NCKAP1: variants seen among roughly 807,000 people sequenced by gnomAD.
NCKAP1 encodes the protein NCK associated protein 1, also known as nck-associated protein 1.
A neutral mutation model predicts 151.2 loss-of-function variants in NCKAP1; 21 were observed. That is an observed-to-expected ratio of 0.14 (90% CI 0.10 to 0.20). NCKAP1 has a LOEUF of 0.20. NCKAP1 is among the 10% of genes least tolerant of loss of function. NCKAP1 has a pLI of 1.00. For missense variants in NCKAP1, 933 were observed against 1,352.1 expected (o/e 0.69, Z 4.86); for synonymous variants, 484 against 451.8 (o/e 1.07, Z -0.90).
At chr2:183,028,933 G>C (rs916872638) in intron 1 of NCKAP1, among the ~76,000 whole-genome samples, 5 of 138,010 alleles carry the variant, frequency 3.6e-5, no homozygotes, top group Non-Finnish European at 7.7e-5. Context: ...CCAACACGGT[G>C]AAACCCCGTT....
intron 23 of NCKAP1, among the ~76,000 whole-genome samples, chr2:182,946,739 C>A (rs73980530): frequency 3.5e-4 from 47 of 132,434 alleles, no homozygotes; most frequent in East Asian, 8.6e-4. Context: ...ATAAACCTAC[C>A]AAAAAAAAAA....
intron 6 of NCKAP1, among the ~76,000 whole-genome samples, 181 bp downstream of exon 6, chr2:183,001,772 A>G (rs1698378980): frequency 6.6e-6 from 1 of 152,168 alleles, no homozygotes; most frequent in African/African-American, 2.4e-5. Flanking sequence ...TTGAGTCTCT[A>G]TACACTATTC....
At chr2:182,951,743 T>C (rs1428555846) in intron 23 of NCKAP1, among the ~76,000 whole-genome samples, 1 of 152,072 alleles carries the variant, frequency 6.6e-6, no homozygotes, top group Non-Finnish European at 1.5e-5. Context: ...GATTTCTCTA[T>C]TCTGCTTGTA....
chr2:182,941,131 CAT>C (rs1559074371), intron 24 of NCKAP1, among the ~76,000 whole-genome samples: 24 of 141,614 alleles, frequency 1.7e-4, no homozygotes, highest in East Asian at 2.1e-4. Context: ...TTTGGGATTT[CAT>C]TTTTTTTTTT....
intron 14 of NCKAP1, among the ~76,000 whole-genome samples, chr2:182,977,229 C>T (rs1346312979): frequency 6.6e-6 from 1 of 152,106 alleles, no homozygotes; most frequent in South Asian, 2.1e-4. Flanking sequence ...TGTCTCATGC[C>T]TATAATCCCA....
At chr2:183,037,948 C>G (rs766367285) in intron 1 of NCKAP1, 44 bp downstream of exon 1, 1 of 1,497,398 alleles carries the variant, frequency 6.7e-7, no homozygotes, top group South Asian at 1.2e-5. Flanking sequence ...TCATCCCTCC[C>G]GGGCCCGCCC....
intron 1 of NCKAP1, among the ~76,000 whole-genome samples, chr2:183,026,077 A>G (rs1008931864): frequency 6.6e-6 from 1 of 152,208 alleles, no homozygotes; most frequent in African/African-American, 2.4e-5. Context: ...GTGTGTGCGT[A>G]TGTGTGTATA....
chr2:183,004,488 C>CAAAAAAAAAAAAAAAAAAAA (rs34055584), intron 2 of NCKAP1, among the ~76,000 whole-genome samples: 1 of 78,822 alleles, frequency 1.3e-5, no homozygotes, highest in Non-Finnish European at 2.8e-5. Flanking sequence ...AAACAGCAAG[C>CAAAAAAAAAAAAAAAAAAAA]AAAAAAAAAA....
Position 182,911,229 on chromosome 2 carries a change from A to T in NCKAP1, c.*14473T>A, listed in dbSNP as rs1230147511. 6.6e-6 allele frequency: 1 copy of T among 152,568 alleles called. No homozygotes were observed. The highest frequency in any genetic ancestry group is 1.5e-5 in the Non-Finnish European group (1 of 68,116). 9.5% of individuals were successfully genotyped at this position (152,568 alleles called of 1,614,324 possible). A position where few individuals can be genotyped will look rare whatever the true frequency, so the allele number is the denominator to read the frequency against. Reference sequence around the variant, plus strand: ...GCATTCCTTCCTATTAAGGGAGTCCACTGACCATGGAGTGGTTCTGGCCAG... The same window carrying T: ...GCATTCCTTCCTATTAAGGGAGTCCTCTGACCATGGAGTGGTTCTGGCCAG... On this transcript the variant is annotated 3_prime_UTR_variant, in exon 31 of 31. Transcript: ENST00000361354.
chr2:182,930,510 G>C (rs757694750), intron 27 of NCKAP1, among the ~76,000 whole-genome samples, 185 bp downstream of exon 27: 1 of 151,970 alleles, frequency 6.6e-6, no homozygotes, highest in East Asian at 1.9e-4. Context: ...CCAATCTTAA[G>C]TTCCAGAAGG....
intron 2 of NCKAP1, 107 bp downstream of exon 2, chr2:183,023,699 A>G (rs1358992649): frequency 5.8e-6 from 5 of 862,834 alleles, no homozygotes; most frequent in Admixed American, 2.4e-5. Flanking sequence ...TCTGTATATC[A>G]AAATGTTAAA....
At chr2:182,981,113 T>A in intron 13 of NCKAP1, 131 bp downstream of exon 13, 1 of 1,167,628 alleles carries the variant, frequency 8.6e-7, no homozygotes. Flanking sequence ...TAGGTAATGA[T>A]CTCCAAAATA....
At chr2:182,946,313 T>C (rs1697103037) in intron 23 of NCKAP1, among the ~76,000 whole-genome samples, 1 of 151,766 alleles carries the variant, frequency 6.6e-6, no homozygotes, top group Admixed American at 6.6e-5. Flanking sequence ...GCCAGGAGAA[T>C]GGCGTGAACC....
intron 1 of NCKAP1, among the ~76,000 whole-genome samples, chr2:183,034,431 T>C (rs1699064510): frequency 6.6e-6 from 1 of 151,538 alleles, no homozygotes; most frequent in South Asian, 2.1e-4. Flanking sequence ...GGCAGAAATT[T>C]AACAGGAGGA....
At chr2:182,986,757 T>A (rs1367680484) in intron 9 of NCKAP1, among the ~76,000 whole-genome samples, 1 of 152,190 alleles carries the variant, frequency 6.6e-6, no homozygotes, top group South Asian at 2.1e-4. Context: ...GAGAACTATA[T>A]ATGATTTTAA....
At chr2:182,980,685 C>T (rs1324508120) in intron 13 of NCKAP1, among the ~76,000 whole-genome samples, 1 of 152,124 alleles carries the variant, frequency 6.6e-6, no homozygotes, top group Admixed American at 6.6e-5. Flanking sequence ...TCTTTATTTA[C>T]TGGCCATCCT....
chr2:182,929,995 C>A (rs1257034080), intron 27 of NCKAP1, among the ~76,000 whole-genome samples: 1 of 151,800 alleles, frequency 6.6e-6, no homozygotes, highest in Non-Finnish European at 1.5e-5. Context: ...AACAGAATAC[C>A]CTTTCCTAGA....
Position 182,962,259 on chromosome 2 carries a change from C to A in NCKAP1, c.1781G>T (p.Arg594Leu). 1 of 1,607,172 alleles carries A rather than the reference C, an allele frequency of 6.2e-7. No individual in the cohort carries two copies. Among genetic ancestry groups the A allele is most frequent in the Non-Finnish European group, 8.5e-7 (1 of 1,174,844 alleles). ...CPEERHHIGD[R>L]SLSLCNMFLD... is the part of the protein sequence containing the mutation. ...GAACATATTACATAAGGAAAGACTG[C>A]GATCTCCAATATGATGTCGCTGTGA... Residue 594 changes from arginine (R) to leucine (L), a missense_variant, in exon 18 of 31, where the codon CGC (arginine) becomes CTC (leucine). Physicochemically the swap from Arg to Leu is moderately radical, Grantham distance 102. Around this residue, in one of 2 missense-constraint regions of NCKAP1, gnomAD observed 607 missense variants for 795.0 expected, o/e 0.76. Coordinates refer to ENST00000361354, the MANE Select transcript of NCKAP1 (RefSeq NM_013436.5).
In NCKAP1 at chr2:183,003,287, A is replaced by C; in HGVS notation, c.258T>G (p.Ile86Met). 1 of 1,599,908 alleles carries C rather than the reference A, an allele frequency of 6.3e-7. No individual in the cohort carries two copies. The highest frequency in any genetic ancestry group is 8.5e-7 in the Non-Finnish European group (1 of 1,172,878). ...LAQLQKEKSE[I>M]LKNLALYYFT... ...AGTAATATAATGCCAGATTTTTCAG[A>C]ATCTCTGATTTTTCTTTCTGTAGTT... Residue 86 changes from isoleucine (I) to methionine (M), a missense_variant, in exon 3 of 31, where the codon ATT becomes ATG. Ile to Met is a conservative substitution (Grantham distance 10). Coordinates refer to ENST00000361354, the MANE Select transcript of NCKAP1 (RefSeq NM_013436.5).
Sources: gnomAD v4.1 joint callset for allele counts (sites outside exome capture counted in the v4.1 genomes callset) on GRCh38, gnomAD v4.1.1 for gene constraint, gnomAD v4.1.1 regional missense constraint, MANE v1.5 for transcripts, NCBI Gene and HGNC (gene_info 2026-07-23, HGNC 2026-07-21) for gene names.